Variants in NARF observed in about 807,000 individuals in gnomAD.
The protein encoded by NARF is nuclear prelamin A recognition factor, also known as iron-only hydrogenase-like protein 2.
A neutral mutation model predicts 48.0 loss-of-function variants in NARF; 41 were observed. That is an observed-to-expected ratio of 0.85 (90% confidence interval 0.66 to 1.11). The LOEUF is 1.11. NARF is among the 50% of genes least tolerant of loss of function. NARF has a pLI of 0.00. For missense variants in NARF, 613 were observed against 590.2 expected (o/e 1.04, Z -0.40); for synonymous variants, 215 against 225.5 (o/e 0.95, Z 0.42).
intron 1 of NARF, chr17:82,459,286 A>C: frequency 1.6e-6 from 1 of 633,530 alleles, no homozygotes; most frequent in Non-Finnish European, 2.0e-6. Flanking sequence ...CCATGGCAAC[A>C]ACCGCGCAGC....
rs1300784926 is a variant in NARF, at chr17:82,490,359, TCTCA to T, written c.*2206_*2209del. ...GCCTCTGCTCGCTAGGCTGCCTTCATCTCACTCTGTGTGCTGTGCCTGTGCACCT... is the reference window on the plus strand; with the variant it reads ...GCCTCTGCTCGCTAGGCTGCCTTCATCTCTGTGTGCTGTGCCTGTGCACCT... On this transcript the variant is annotated 3_prime_UTR_variant, in exon 11 of 11. Transcript: ENST00000309794. 1.3e-5 allele frequency: 2 copies of T among 152,330 alleles called. No individual in the cohort carries two copies. Among genetic ancestry groups the T allele is most frequent in the African/African-American group, 4.8e-5 (2 of 41,478 alleles). The allele number at this position is 152,330 out of a possible 1,614,324, so 9.4% of individuals were successfully genotyped here.
Position 82,488,294 on chromosome 17 carries a change from C to A in NARF, c.*137C>A. ...GGATTACTTTGGTTTCTCCGAGTTC[C>A]CTGCTACCCCGTTTATTGGAGGCCC... On this transcript the variant is annotated 3_prime_UTR_variant, in exon 11 of 11. Coordinates refer to ENST00000309794, the MANE Select transcript of NARF (RefSeq NM_012336.4). The A allele has an allele frequency of 2.1e-5, 29 of 1,349,608 alleles. No homozygotes were observed. Among genetic ancestry groups the A allele is most frequent in the Non-Finnish European group, 2.7e-5 (27 of 1,018,134 alleles). The allele number at this position is 1,349,608 out of a possible 1,614,324, so 83.6% of individuals were successfully genotyped here.
At position 82,469,722 on chromosome 17, in the gene NARF, C is replaced by A. The variant is rs182863389; in HGVS notation, c.385+826C>A. On this transcript the variant is annotated intron_variant, in intron 4 of 10. Transcript: ENST00000309794. Reference sequence around the variant, plus strand: ...CCGGGTTCAAGAGATTCTCCTGCCTCAGCCTCCCAAGTAGCTGGGACTACA... The same window carrying A: ...CCGGGTTCAAGAGATTCTCCTGCCTAAGCCTCCCAAGTAGCTGGGACTACA... 2.0e-5 allele frequency among the ~76,000 whole-genome samples: 3 copies of A among 152,266 alleles called. No individual in the cohort carries two copies. The East Asian group carries it at 5.8e-4, about 29-fold the overall frequency.
At chr17:82,478,545 CTCT>C (rs1054469485) in intron 5 of NARF, 5 of 571,542 alleles carry the variant, frequency 8.7e-6, no homozygotes, top group African/African-American at 5.6e-5. Flanking sequence ...GTTACTCCGA[CTCT>C]TACTTGTCTG....
intron 5 of NARF, among the ~76,000 whole-genome samples, chr17:82,475,568 G>A (rs1040258072): frequency 6.6e-6 from 1 of 152,094 alleles, no homozygotes; most frequent in Non-Finnish European, 1.5e-5. Flanking sequence ...CCGCACTCCA[G>A]CCTGGGTAAC....
chr17:82,470,892 G>A (rs189886628), intron 4 of NARF, among the ~76,000 whole-genome samples: 1 of 152,094 alleles, frequency 6.6e-6, no homozygotes, highest in African/African-American at 2.4e-5. Flanking sequence ...GCCGGGTGTG[G>A]TGGCTCATGT....
intron 8 of NARF, chr17:82,484,163 C>T (rs1307435627): frequency 1.1e-5 from 2 of 176,472 alleles, no homozygotes; most frequent in Non-Finnish European, 2.4e-5. Flanking sequence ...GGGCAGCTCC[C>T]TCAGGCCCCT....
chr17:82,480,806 C>T, intron 6 of NARF: 2 of 521,550 alleles, frequency 3.8e-6, no homozygotes, highest in Non-Finnish European at 6.8e-6. Context: ...GCGGCATGCG[C>T]CTGTAGTCCC....
intron 10 of NARF, 120 bp from the exon 11 acceptor site, chr17:82,487,796 A>AC: frequency 1.1e-5 from 9 of 819,894 alleles, no homozygotes; most frequent in Middle Eastern, 2.8e-4. Context: ...CCCAATCTCT[A>AC]CAAAAAATTT....
intron 4 of NARF, among the ~76,000 whole-genome samples, chr17:82,469,265 CT>C (rs1284520147): frequency 1.3e-5 from 2 of 152,220 alleles, no homozygotes. Context: ...TAAACAGTCA[CT>C]TCTGAAATGA....
rs1318597318 is a variant in NARF at position 82,481,896 on chromosome 17, C to A, written c.769+685C>A. ...ACAAACCAAGTCTGCACTTAAAACA[C>A]AAGTGAAGTTTTTTTCATTCAGAAT... On this transcript the variant is annotated intron_variant, in intron 7 of 10. Transcript: ENST00000309794. 7 of 324,942 alleles carry A rather than the reference C, an allele frequency of 2.2e-5. No homozygotes were observed. The East Asian group carries it at 7.7e-4, about 36-fold the overall frequency. 20.1% of individuals were successfully genotyped at this position (324,942 alleles called of 1,614,324 possible). A position where few individuals can be genotyped will look rare whatever the true frequency, so the allele number is the denominator to read the frequency against.
intron 1 of NARF, among the ~76,000 whole-genome samples, chr17:82,459,656 G>A (rs192005315): frequency 0.011 from 1,639 of 152,260 alleles, 118 homozygotes; most frequent in Admixed American, 0.098. Flanking sequence ...GATCACCTGA[G>A]GTCAGCAGTT....
At chr17:82,487,066 T>C (rs1227739877) in intron 10 of NARF, among the ~76,000 whole-genome samples, 1 of 152,164 alleles carries the variant, frequency 6.6e-6, no homozygotes, top group Non-Finnish European at 1.5e-5. Flanking sequence ...GCTATCCTGG[T>C]TTTGCCAAAT....
rs527639764 is a variant in NARF, at chr17:82,486,893, AATAG to A, written c.1130-1018_1130-1015del. 1.1e-4 allele frequency among the ~76,000 whole-genome samples: 17 copies of A among 152,352 alleles called. No homozygotes were observed. In the South Asian group the frequency reaches 3.3e-3, roughly 30 times the overall value. ...AACACGTTGGAGAGTAAGTAGCATT[AATAG>A]ATAGGAGACACATTTTTACTCAGGC... On this transcript the variant is annotated intron_variant, in intron 10 of 10. Transcript: ENST00000309794.
chr17:82,483,693 T>C, intron 7 of NARF, 23 bp from the exon 8 acceptor site: 1 of 1,612,884 alleles, frequency 6.2e-7, no homozygotes, highest in South Asian at 1.1e-5. Flanking sequence ...GTCTTTTCAG[T>C]GTCTTACTTC....
chr17:82,464,446 C>A lies in NARF; in HGVS notation c.252+16C>A, dbSNP rs762355490. On this transcript the variant is annotated intron_variant, in intron 3 of 10. Coordinates refer to ENST00000309794, the MANE Select transcript of NARF (RefSeq NM_012336.4). ...CCTTAACAAGGTAAGGCATTCGGGG[C>A]ATTTGCTGATGCTGGGGAGCTGACC... 1 of 1,600,852 alleles carries A rather than the reference C, an allele frequency of 6.2e-7. No individual in the cohort carries two copies. Among genetic ancestry groups the A allele is most frequent in the Non-Finnish European group, 8.5e-7 (1 of 1,171,234 alleles).
At chr17:82,478,457 G>T in intron 5 of NARF, 1 of 393,914 alleles carries the variant, frequency 2.5e-6, no homozygotes, top group Admixed American at 2.9e-5. Flanking sequence ...CTGGCCAGGC[G>T]ATTTTGCACG....
Position 82,487,959 on chromosome 17 carries a change from T to C in NARF, c.1173T>C (p.His391=), listed in dbSNP as rs1382251867. 6.2e-7 allele frequency: 1 copy of C among 1,614,202 alleles called. No individual in the cohort carries two copies. The highest frequency in any genetic ancestry group is 8.5e-7 in the Non-Finnish European group (1 of 1,180,040). The change falls in exon 11 of 11, where the codon CAT becomes CAC. Residue 391 remains histidine (H), a synonymous_variant. Transcript: ENST00000309794. ...GRGQAQTPDG[H]ADKALLRQME... is the part of the protein sequence containing the mutation. The stretch of plus-strand genomic sequence containing the variant: ...GCCAAGCCCAGACTCCAGACGGACA[T>C]GCGGATAAGGCCCTGCTGCGGCAGA...
chr17:82,483,423 G>GT (rs770571677), intron 7 of NARF: 1 of 367,784 alleles, frequency 2.7e-6, no homozygotes, highest in Non-Finnish European at 5.1e-6. Flanking sequence ...GGCCAAAAAA[G>GT]TTTACAGATT....
Sources: allele counts gnomAD v4.1 joint callset (sites outside exome capture counted in the v4.1 genomes callset), GRCh38; gene constraint gnomAD v4.1.1; transcripts MANE v1.5; gene names NCBI Gene and HGNC (gene_info 2026-07-23, HGNC 2026-07-21).